The following ATF7IP variants were observed in gnomAD, a reference collection of about 807,000 sequenced individuals.
ATF7IP encodes the protein activating transcription factor 7 interacting protein, also known as activating transcription factor 7-interacting protein 1.
In ATF7IP, 23 loss-of-function variants were observed where a neutral mutation model predicts 106.4. The ratio of observed to expected loss-of-function variants is 0.22; its 90% CI spans 0.16 to 0.31. ATF7IP has a LOEUF of 0.31. ATF7IP is among the 10% of genes least tolerant of loss of function. The pLI, the probability that ATF7IP is intolerant of heterozygous loss-of-function variation, is 1.00. For missense variants in ATF7IP, 1,334 were observed against 1,524.3 expected (o/e 0.88, Z 2.08); for synonymous variants, 542 against 539.0 (o/e 1.01, Z -0.08).
intron 1 of ATF7IP, among the ~76,000 whole-genome samples, chr12:14,388,508 G>A (rs1406442336): frequency 2.0e-5 from 3 of 151,726 alleles, no homozygotes; most frequent in East Asian, 1.9e-4. Flanking sequence ...CACCACGCCC[G>A]GCTAATTTTT....
At chr12:14,416,917 T>C (rs749807533) in intron 1 of ATF7IP, 113 of 985,142 alleles carry the variant, frequency 1.1e-4, no homozygotes, top group Non-Finnish European at 1.3e-4. Context: ...TTATATAAAC[T>C]AAGAGTATGG....
At position 14,424,118 on chromosome 12, in the gene ATF7IP, A is replaced by T. The variant is rs1201525454; in HGVS notation, c.203A>T (p.Lys68Met). ...GAAAACATGGATTACATTAAAGACA[A>T]GGAAGAGGTGAATGGCATTGAAGAG... ...PLENMDYIKD[K>M]EEVNGIEEIC... The change falls in exon 2 of 15, where the codon AAG (lysine) becomes ATG (methionine). Residue 68 changes from lysine (K) to methionine (M), a missense_variant. Lys to Met is a moderately conservative substitution (Grantham distance 95). Coordinates refer to ENST00000261168, the MANE Select transcript of ATF7IP (RefSeq NM_018179.5). 6.2e-7 allele frequency: 1 copy of T among 1,614,104 alleles called. No homozygotes were observed. Among genetic ancestry groups the T allele is most frequent in the African/African-American group, 1.3e-5 (1 of 74,940 alleles).
At chr12:14,438,344 A>C in intron 5 of ATF7IP, 77 bp downstream of exon 5, 1 of 1,270,452 alleles carries the variant, frequency 7.9e-7, no homozygotes, top group Non-Finnish European at 1.1e-6. Flanking sequence ...TATATTTGAG[A>C]TTAACTATAA....
intron 13 of ATF7IP, among the ~76,000 whole-genome samples, chr12:14,491,462 T>C (rs1423048484): frequency 6.6e-6 from 1 of 152,232 alleles, no homozygotes; most frequent in East Asian, 1.9e-4. Flanking sequence ...TCCCATCCTC[T>C]GGCACACAAA....
At position 14,494,284 on chromosome 12, in the gene ATF7IP, AATATATATATATATATATATATAT is replaced by A. The variant is rs747194414; in HGVS notation, c.3281-1920_3281-1897del. Among the ~76,000 whole-genome samples the A allele has an allele frequency of 1.8e-3, 99 of 53,802 alleles. 5 individuals carry two copies. The highest frequency in any genetic ancestry group is 4.7e-3 in the East Asian group (5 of 1,072). 35.3% of individuals were successfully genotyped at this position (53,802 alleles called of 152,430 possible). On this transcript the variant is annotated intron_variant, in intron 13 of 14. Transcript: ENST00000261168. ...TTCTCTAGGGGGACAGAGCTAATAG[AATATATATATATATATATATATAT>A]ATATATATATATATATATATATATA...
intron 8 of ATF7IP, among the ~76,000 whole-genome samples, chr12:14,457,789 G>GT (rs1195741629): frequency 1.3e-5 from 2 of 152,096 alleles, no homozygotes; most frequent in Non-Finnish European, 2.9e-5. Context: ...TTTTTAAAAT[G>GT]TTTATTCATT....
chr12:14,427,960 A>G (rs1591838810), intron 2 of ATF7IP, among the ~76,000 whole-genome samples: 1 of 152,152 alleles, frequency 6.6e-6, no homozygotes, highest in Non-Finnish European at 1.5e-5. Flanking sequence ...TTATAATGCT[A>G]AAGCTTTATG....
intron 13 of ATF7IP, chr12:14,482,125 T>C (rs1351818198): frequency 1.3e-5 from 2 of 152,242 alleles, no homozygotes; most frequent in Non-Finnish European, 2.9e-5. Context: ...TTCAGTATCC[T>C]GTAAGTGGTC....
chr12:14,497,582 G>A, intron 14 of ATF7IP, 72 bp from the exon 15 acceptor site: 1 of 1,380,070 alleles, frequency 7.2e-7, no homozygotes, highest in South Asian at 1.4e-5. Flanking sequence ...GTTCTCTAAG[G>A]TGTTTTAATT....
intron 13 of ATF7IP, among the ~76,000 whole-genome samples, chr12:14,488,325 C>T (rs1210878936): frequency 6.6e-6 from 1 of 152,012 alleles, no homozygotes; most frequent in Non-Finnish European, 1.5e-5. Flanking sequence ...TATCTGCAAG[C>T]TTAGGAGCAA....
At chr12:14,421,355 C>T (rs1028373084) in intron 1 of ATF7IP, among the ~76,000 whole-genome samples, 6 of 152,024 alleles carry the variant, frequency 3.9e-5, no homozygotes, top group Non-Finnish European at 8.8e-5. Flanking sequence ...TTCTTTTTTG[C>T]TTAACAGAAG....
At chr12:14,476,138 G>C in intron 11 of ATF7IP, 170 bp downstream of exon 11, 1 of 568,800 alleles carries the variant, frequency 1.8e-6, no homozygotes, top group South Asian at 2.0e-5. Flanking sequence ...GCCAGGTGCA[G>C]TGTCTCACAC....
At chr12:14,428,088 A>G (rs1941948677) in intron 2 of ATF7IP, among the ~76,000 whole-genome samples, 1 of 152,172 alleles carries the variant, frequency 6.6e-6, no homozygotes, top group African/African-American at 2.4e-5. Flanking sequence ...ATAAGTGTCT[A>G]TACAGAGTGT....
At chr12:14,491,947 G>A (rs192288816) in intron 13 of ATF7IP, among the ~76,000 whole-genome samples, 7 of 152,288 alleles carry the variant, frequency 4.6e-5, no homozygotes, top group East Asian at 3.9e-4. Context: ...CATCTTTCAC[G>A]TCCTTGATGG....
At chr12:14,389,815 C>G (rs1310118420) in intron 1 of ATF7IP, among the ~76,000 whole-genome samples, 2 of 152,136 alleles carry the variant, frequency 1.3e-5, no homozygotes, top group Non-Finnish European at 2.9e-5. Flanking sequence ...TTAGTAGAGA[C>G]TGGGTTTCTC....
intron 1 of ATF7IP, among the ~76,000 whole-genome samples, chr12:14,382,280 G>A (rs1939033383): frequency 6.6e-6 from 1 of 152,206 alleles, no homozygotes; most frequent in African/African-American, 2.4e-5. Context: ...ATTGTTTACT[G>A]AACATTAGAA....
chr12:14,403,563 T>G (rs545906664), intron 1 of ATF7IP, among the ~76,000 whole-genome samples: 3 of 152,296 alleles, frequency 2.0e-5, no homozygotes, highest in Non-Finnish European at 4.4e-5. Flanking sequence ...TTTTTTTCTG[T>G]TTACCAGTCA....
rs566429626 is a variant in ATF7IP, at chr12:14,493,452, A to G, written c.3281-2779A>G. ...AGAATCAACATTGTCTTGCATGGCA[A>G]CTGCCTCAGGGGAAGCCATCACTCT... On this transcript the variant is annotated intron_variant, in intron 13 of 14. Transcript: ENST00000261168. 6.6e-5 allele frequency among the ~76,000 whole-genome samples: 10 copies of G among 152,282 alleles called. No individual in the cohort carries two copies. In the South Asian group the frequency reaches 1.7e-3, roughly 25 times the overall value.
chr12:14,426,301 A>C (rs11055969), intron 2 of ATF7IP, among the ~76,000 whole-genome samples: 85,988 of 151,848 alleles, frequency 0.57, 24,786 homozygotes, highest in African/African-American at 0.67. Context: ...GAAACTTTCT[A>C]AGCCTGTGGA....
Sources: gnomAD v4.1 joint callset for allele counts (sites outside exome capture counted in the v4.1 genomes callset) on GRCh38, gnomAD v4.1.1 for gene constraint, MANE v1.5 for transcripts, NCBI Gene and HGNC (gene_info 2026-07-23, HGNC 2026-07-21) for gene names.